The following ARID1A variants were observed in gnomAD, a reference collection of about 807,000 sequenced individuals.
ARID1A encodes the protein AT-rich interaction domain 1A.
A neutral mutation model predicts 212.6 loss-of-function variants in ARID1A; 20 were observed. The observed-to-expected ratio is 0.09, with a 90% CI of 0.07 to 0.14. ARID1A has a LOEUF of 0.14. Among genes scored for constraint, ARID1A ranks in the 10% least tolerant of loss-of-function variants. The pLI is 1.00. For synonymous variants in ARID1A, 1,376 were observed against 1,222.1 expected (o/e 1.13, Z -2.63); for missense variants, 2,587 against 3,059.0 (o/e 0.85, Z 3.64).
At chr1:26,744,111 G>GA (rs1220703504) in intron 4 of ARID1A, among the ~76,000 whole-genome samples, 1 of 152,134 alleles carries the variant, frequency 6.6e-6, no homozygotes, top group Non-Finnish European at 1.5e-5. Flanking sequence ...AGACTGCTAA[G>GA]AGCAGCATGT....
intron 1 of ARID1A, among the ~76,000 whole-genome samples, chr1:26,701,864 G>C (rs895780508): frequency 6.6e-6 from 1 of 152,314 alleles, no homozygotes; most frequent in African/African-American, 2.4e-5. Context: ...TAATCTGTTT[G>C]TCATTAGTCA....
chr1:26,728,374 G>C (rs775039854), intron 1 of ARID1A, among the ~76,000 whole-genome samples: 2 of 152,046 alleles, frequency 1.3e-5, no homozygotes, highest in Admixed American at 6.5e-5. Context: ...AAACAAACAC[G>C]TACAGAGAAC....
chr1:26,752,337 A>C (rs2080892234), intron 4 of ARID1A, among the ~76,000 whole-genome samples: 1 of 152,216 alleles, frequency 6.6e-6, no homozygotes, highest in Non-Finnish European at 1.5e-5. Context: ...GAATAATGTC[A>C]CAGCAGTTCT....
intron 8 of ARID1A, 80 bp downstream of exon 8, chr1:26,763,365 A>G: frequency 7.0e-7 from 1 of 1,438,210 alleles, no homozygotes; most frequent in Non-Finnish European, 9.3e-7. Flanking sequence ...ATGCTTCTGG[A>G]CCTAAACCAG....
chr1:26,703,513 T>C (rs2080357880), intron 1 of ARID1A, among the ~76,000 whole-genome samples: 1 of 152,230 alleles, frequency 6.6e-6, no homozygotes, highest in African/African-American at 2.4e-5. Context: ...GTTTATATAG[T>C]AGCAGGGAAT....
chr1:26,731,098 A>G (rs2080671629), intron 2 of ARID1A, 54 bp from the exon 3 acceptor site: 1 of 1,544,186 alleles, frequency 6.5e-7, no homozygotes, highest in Non-Finnish European at 8.9e-7. Context: ...AAAACACTTC[A>G]TCTTTCCTCA....
At chr1:26,736,315 T>TC (rs2080728981) in intron 4 of ARID1A, among the ~76,000 whole-genome samples, 2 of 100,940 alleles carry the variant, frequency 2.0e-5, no homozygotes, top group South Asian at 3.0e-4. Context: ...GACAGTGAAC[T>TC]CCATCTCAAA....
rs780002090 is a variant in ARID1A at position 26,774,504 on chromosome 1, A to G, written c.4277A>G (p.Asp1426Gly). ...QQAAQPSPQQDVYNQYGNAYP... is the reference protein window; with the variant it reads ...QQAAQPSPQQGVYNQYGNAYP... Reference sequence around the variant, plus strand: ...GCTGCCCAGCCTTCCCCTCAGCAAGATGTATACAACCAGTATGGCAATGCC... The same window carrying G: ...GCTGCCCAGCCTTCCCCTCAGCAAGGTGTATACAACCAGTATGGCAATGCC... The change falls in exon 18 of 20, where the codon GAT (aspartate) becomes GGT (glycine). Residue 1426 changes from aspartate (D) to glycine (G), a missense_variant. By Grantham distance (94) the Asp-to-Gly change is moderately conservative. Transcript: ENST00000324856. The surrounding 1 kb of genome is among the most constrained non-coding windows in gnomAD (Gnocchi z 5.6). 4.6e-5 allele frequency: 75 copies of G among 1,613,602 alleles called. No homozygotes were observed. In the South Asian group the frequency reaches 8.0e-4, roughly 17 times the overall value.
In ARID1A at chr1:26,772,599, C is replaced by T. The variant is rs1482721698; in HGVS notation, c.3506C>T (p.Pro1169Leu). The T allele has an allele frequency of 6.2e-7, 1 of 1,614,090 alleles. No homozygotes were observed. The highest frequency in any genetic ancestry group is 8.5e-7 in the Non-Finnish European group (1 of 1,180,048). Residue 1169 changes from proline to leucine, a missense_variant, in exon 13 of 20, where the codon CCA becomes CTA. Transcript: ENST00000324856. ...AAGCCACCAACTCCAGCATCCACAC[C>T]ACACAGTCAGATCCCCCCATTGCCA... ...DLKPPTPASTPHSQIPPLPGM... is the reference protein window; with the variant it reads ...DLKPPTPASTLHSQIPPLPGM...
In ARID1A at chr1:26,696,068, G is replaced by T; in HGVS notation, c.-336G>T. ...AGTCACAGCGGGGCCAGGCCCTGGG[G>T]AGCGGAGCCTCCACCGCCCCCCTCA... On this transcript the variant is annotated 5_prime_UTR_variant, in exon 1 of 20. Coordinates refer to ENST00000324856, the MANE Select transcript of ARID1A (RefSeq NM_006015.6). 1.8e-6 allele frequency: 1 copy of T among 569,532 alleles called. No homozygotes were observed. Among genetic ancestry groups the T allele is most frequent in the Non-Finnish European group, 2.3e-6 (1 of 435,902 alleles). The allele number at this position is 569,532 out of a possible 1,614,324, so 35.3% of individuals were successfully genotyped here.
intron 1 of ARID1A, among the ~76,000 whole-genome samples, chr1:26,708,941 C>T (rs139184324): frequency 0.022 from 3,249 of 148,720 alleles, 82 homozygotes; most frequent in Non-Finnish European, 0.028. Flanking sequence ...GTGATCCGCC[C>T]GCTTCGGCCT....
In ARID1A at chr1:26,771,370, T is replaced by A. The variant is rs1473923796; in HGVS notation, c.3406+44T>A. Reference sequence around the variant, plus strand: ...GCCCCACCAAGGCTGAGAGGGCCTGTTGCCCTGGCCTCTTATTCAGGATAT... The same window carrying A: ...GCCCCACCAAGGCTGAGAGGGCCTGATGCCCTGGCCTCTTATTCAGGATAT... On this transcript the variant is annotated intron_variant, in intron 12 of 19. Transcript: ENST00000324856. The surrounding 1 kb of genome is among the most constrained non-coding windows in gnomAD (Gnocchi z 5.4). 3.8e-6 allele frequency: 6 copies of A among 1,579,362 alleles called. No homozygotes were observed. The highest frequency in any genetic ancestry group is 5.2e-6 in the Non-Finnish European group (6 of 1,149,952).
At chr1:26,739,488 G>A (rs2080766936) in intron 4 of ARID1A, among the ~76,000 whole-genome samples, 2 of 152,162 alleles carry the variant, frequency 1.3e-5, no homozygotes, top group South Asian at 4.1e-4. Context: ...ACTGAAGTAG[G>A]TAGTCACCTT....
In ARID1A at chr1:26,779,596, G is replaced by T; in HGVS notation, c.5698G>T (p.Asp1900Tyr). Reference sequence around the variant, plus strand: ...AACAGACCAGGAGGGGCCCCCACCTGATGGACCTCCAGAAAAACGGATCAC... The same window carrying T: ...AACAGACCAGGAGGGGCCCCCACCTTATGGACCTCCAGAAAAACGGATCAC... ...GTTDQEGPPP[D>Y]GPPEKRITAT... The change falls in exon 20 of 20, where the codon GAT (aspartate) becomes TAT (tyrosine). Residue 1900 changes from aspartate (D) to tyrosine (Y), a missense_variant. Physicochemically the swap from Asp to Tyr is radical, Grantham distance 160. Around this residue, in one of 11 missense-constraint regions of ARID1A, gnomAD observed 890 missense variants for 1,098.2 expected, o/e 0.81. Transcript: ENST00000324856. The T allele has an allele frequency of 6.2e-7, 1 of 1,614,134 alleles. No individual in the cohort carries two copies.
chr1:26,700,598 G>A (rs1234676857), intron 1 of ARID1A, among the ~76,000 whole-genome samples: 1 of 152,180 alleles, frequency 6.6e-6, no homozygotes, highest in Non-Finnish European at 1.5e-5. Context: ...AGTAATACCA[G>A]TTTACCAAGG....
At chr1:26,762,917 A>G (rs572119820) in intron 7 of ARID1A, 56 bp from the exon 8 acceptor site, 262 of 1,440,740 alleles carry the variant, frequency 1.8e-4, no homozygotes, top group Middle Eastern at 6.0e-4. Flanking sequence ...GAGTTGAGAG[A>G]TATTAGTGAG....
rs147766570 is a variant in ARID1A at position 26,780,261 on chromosome 1, C to G, written c.6363C>G (p.Thr2121=). 8.7e-6 allele frequency: 14 copies of G among 1,614,094 alleles called. No homozygotes were observed. Among genetic ancestry groups the G allele is most frequent in the Non-Finnish European group, 1.1e-5 (13 of 1,180,044 alleles). ...CCCCGCAGAGACTGGTCTTGGAAACCCTCAGCAAACTCAGCATCCAGGACA... is the reference window on the plus strand; with the variant it reads ...CCCCGCAGAGACTGGTCTTGGAAACGCTCAGCAAACTCAGCATCCAGGACA... ...VLSPQRLVLE[T]LSKLSIQDNN... Residue 2121 remains threonine (T), a synonymous_variant, in exon 20 of 20, where the codon ACC becomes ACG. Coordinates refer to ENST00000324856, the MANE Select transcript of ARID1A (RefSeq NM_006015.6). The surrounding 1 kb of genome is among the most constrained non-coding windows in gnomAD (Gnocchi z 7.2).
intron 1 of ARID1A, among the ~76,000 whole-genome samples, chr1:26,720,936 AG>A (rs1259904115): frequency 6.6e-6 from 1 of 151,248 alleles, no homozygotes; most frequent in Non-Finnish European, 1.5e-5. Context: ...AAGAATCTGG[AG>A]GGTAGAATTG....
chr1:26,723,821 A>G (rs1570568771), intron 1 of ARID1A, among the ~76,000 whole-genome samples: 2 of 152,066 alleles, frequency 1.3e-5, no homozygotes, highest in Non-Finnish European at 1.5e-5. Context: ...CTACGTCACC[A>G]CAACACAACC....
Sources: allele counts gnomAD v4.1 joint callset (sites outside exome capture counted in the v4.1 genomes callset), GRCh38; gene constraint gnomAD v4.1.1; regional missense constraint gnomAD v4.1.1; non-coding constraint Gnocchi (gnomAD v3.1); transcripts MANE v1.5; gene names NCBI Gene and HGNC (gene_info 2026-07-23, HGNC 2026-07-21).